The following GSE1 variants were observed in gnomAD, a reference collection of about 807,000 sequenced individuals.
GSE1 encodes genetic suppressor element 1.
GSE1 carries 32 observed loss-of-function variants against 112.6 expected under a neutral mutation model. The ratio of observed to expected loss-of-function variants is 0.28; its 90% CI spans 0.21 to 0.38. The LOEUF (loss-of-function observed/expected upper bound fraction) is 0.38. Ranked by LOEUF, GSE1 falls within the 10% of genes least tolerant of loss-of-function variation. The pLI is 1.00. For missense variants in GSE1, 2,348 were observed against 1,699.2 expected (o/e 1.38, Z -6.71); for synonymous variants, 1,115 against 735.6 (o/e 1.52, Z -8.35).
chr16:85,510,715 G>C (rs997989766), intron 2 of GSE1, among the ~76,000 whole-genome samples: 1 of 152,180 alleles, frequency 6.6e-6, no homozygotes, highest in African/African-American at 2.4e-5. Context: ...GTGAAAGTCA[G>C]AGTTGCCCCT....
Position 85,426,702 on chromosome 16 carries a change from GTGGA to G in GSE1, c.2464+69083_2464+69086del, listed in dbSNP as rs530312817. Among the ~76,000 whole-genome samples, 471 of 148,736 alleles carry G rather than the reference GTGGA, an allele frequency of 3.2e-3. 2 individuals carry two copies. The highest frequency in any genetic ancestry group is 0.011 in the African/African-American group (437 of 40,422). On this transcript the variant is annotated intron_variant, in intron 2 of 2. Coordinates refer to the GSE1 transcript ENST00000637419. The stretch of plus-strand genomic sequence containing the variant: ...GAAGGGAGGATGGGTAGATGGGTGG[GTGGA>G]TGGATGGATGGATGGATGGATGGTA...
At chr16:85,239,324 G>A (rs1904982757) in intron 1 of GSE1, among the ~76,000 whole-genome samples, 1 of 152,210 alleles carries the variant, frequency 6.6e-6, no homozygotes, top group Non-Finnish European at 1.5e-5. Context: ...AGTGCAAGGT[G>A]GCTGCCTCTG....
intron 1 of GSE1, among the ~76,000 whole-genome samples, chr16:85,203,133 T>G (rs1037155410): frequency 6.6e-6 from 1 of 151,682 alleles, no homozygotes; most frequent in African/African-American, 2.4e-5. Flanking sequence ...CCTGTGGGGG[T>G]GCCTGTGCTC....
Position 85,367,908 on chromosome 16 carries a change from G to A in GSE1, c.2464+10265G>A, listed in dbSNP as rs1253859351. Among the ~76,000 whole-genome samples, 4 of 140,442 alleles carry A rather than the reference G, an allele frequency of 2.8e-5. No homozygotes were observed. The East Asian group carries it at 9.2e-4, about 32-fold the overall frequency. The allele number at this position is 140,442 out of a possible 152,430, so 92.1% of individuals were successfully genotyped here. A position where few individuals can be genotyped will look rare whatever the true frequency, so the allele number is the denominator to read the frequency against. ...CTTGTTGCCCAGGCTAGAGTGCAAT[G>A]GCATGATCTCGGCTCACTGCAACCT... On this transcript the variant is annotated intron_variant, in intron 2 of 2. Coordinates refer to the GSE1 transcript ENST00000637419.
intron 1 of GSE1, among the ~76,000 whole-genome samples, chr16:85,591,512 C>T (rs1340598305): frequency 6.6e-6 from 1 of 152,252 alleles, no homozygotes; most frequent in Non-Finnish European, 1.5e-5. Context: ...TTGCTCCTCA[C>T]AGCCTTGCGG....
intron 1 of GSE1, among the ~76,000 whole-genome samples, chr16:85,222,545 T>C (rs1373887372): frequency 1.3e-5 from 2 of 152,206 alleles, no homozygotes; most frequent in East Asian, 1.9e-4. Context: ...AGGAGGCTGA[T>C]AGCTATTTTT....
In GSE1 at chr16:85,672,784, G is replaced by C. The variant is rs2053452190; in HGVS notation, c.*245G>C. On this transcript the variant is annotated 3_prime_UTR_variant, in exon 16 of 16. Coordinates refer to ENST00000253458, the MANE Select transcript of GSE1 (RefSeq NM_014615.5). ...ATTGCCCACAGTTTTTCTTTTTAAA[G>C]GTGGTTTTCGCCCTTCCTCTCCCAC... 2 of 313,964 alleles carry C rather than the reference G, an allele frequency of 6.4e-6. No individual in the cohort carries two copies. Among genetic ancestry groups the C allele is most frequent in the Non-Finnish European group, 5.9e-6 (1 of 170,584 alleles). The allele number at this position is 313,964 out of a possible 1,614,324, so 19.4% of individuals were successfully genotyped here.
chr16:85,237,080 C>T (rs545494975), intron 1 of GSE1, among the ~76,000 whole-genome samples: 164 of 152,324 alleles, frequency 1.1e-3, no homozygotes, highest in Non-Finnish European at 1.8e-3. Flanking sequence ...AATCTCAGCA[C>T]TTTGGGAGGC....
chr16:85,321,447 T>G (rs1469006638), intron 1 of GSE1, among the ~76,000 whole-genome samples: 5 of 152,246 alleles, frequency 3.3e-5, no homozygotes, highest in African/African-American at 1.2e-4. Flanking sequence ...CTGCCAGCAA[T>G]GTACTGAGGC....
Position 85,661,146 on chromosome 16 carries a change from G to A in GSE1, c.1641G>A (p.Arg547=). The A allele has an allele frequency of 3.8e-6, 6 of 1,580,870 alleles. No homozygotes were observed. Among genetic ancestry groups the A allele is most frequent in the African/African-American group, 1.3e-5 (1 of 74,384 alleles). Reference sequence around the variant, plus strand: ...CTGAAGGGTTGGTTTCACTCCCTAGGCCAGGACCAAACCGTCACGAGCCAG... The same window carrying A: ...CTGAAGGGTTGGTTTCACTCCCTAGACCAGGACCAAACCGTCACGAGCCAG... The part of the protein sequence containing the change: ...EAEHRPESTT[R]PGPNRHEPGG... Residue 547 remains arginine, a splice_region_variant and synonymous_variant, in exon 9 of 16, where the codon AGG becomes AGA. Coordinates refer to ENST00000253458, the MANE Select transcript of GSE1 (RefSeq NM_014615.5).
intron 1 of GSE1, among the ~76,000 whole-genome samples, chr16:85,226,158 T>C (rs551459406): frequency 7.2e-5 from 11 of 152,298 alleles, no homozygotes; most frequent in Admixed American, 7.2e-4. Flanking sequence ...ACTGAGAAGG[T>C]AGGCACGTCA....
intron 1 of GSE1, among the ~76,000 whole-genome samples, chr16:85,213,715 G>A (rs2075264620): frequency 6.6e-6 from 1 of 152,208 alleles, no homozygotes; most frequent in Non-Finnish European, 1.5e-5. Context: ...CGCATCAGGG[G>A]TGCCCTTGCA....
At chr16:85,170,890 G>A (rs1211130689) in exon 1 of GSE1, 7 of 985,412 alleles carry the variant, frequency 7.1e-6, no homozygotes, top group Non-Finnish European at 8.4e-6. Context: ...GGACAGCCAC[G>A]CCCCCGGCAT....
intron 1 of GSE1, among the ~76,000 whole-genome samples, chr16:85,264,727 A>C (rs765555411): frequency 6.6e-6 from 1 of 152,250 alleles, no homozygotes; most frequent in Admixed American, 6.5e-5. Context: ...CTGGTGTCCC[A>C]GTGTGTGTAG....
intron 1 of GSE1, among the ~76,000 whole-genome samples, chr16:85,305,860 C>A (rs2045663982): frequency 6.6e-6 from 1 of 152,036 alleles, no homozygotes; most frequent in Non-Finnish European, 1.5e-5. Context: ...GAAGCTAAGG[C>A]AAGAGGATCA....
intron 2 of GSE1, among the ~76,000 whole-genome samples, chr16:85,481,492 T>G (rs2050680099): frequency 6.6e-6 from 1 of 152,180 alleles, no homozygotes; most frequent in African/African-American, 2.4e-5. Context: ...GCCAAGGAAT[T>G]GAAGTTAGTT....
At position 85,665,943 on chromosome 16, in the gene GSE1, T is replaced by A. The variant is rs756511951; in HGVS notation, c.2759-33T>A. On this transcript the variant is annotated intron_variant, in intron 12 of 15. Coordinates refer to ENST00000253458, the MANE Select transcript of GSE1 (RefSeq NM_014615.5). ...GACACTCAGCCTGTTAACTTGCATT[T>A]CTTAATATTTTCCTTCACTTTGTCT... 95 of 1,608,458 alleles carry A rather than the reference T, an allele frequency of 5.9e-5. 1 individual carries two copies. Among genetic ancestry groups the A allele is most frequent in the Non-Finnish European group, 6.5e-5 (77 of 1,176,042 alleles).
chr16:85,246,406 CACACACACACACACACCCCATGCTCTCT>C (rs1905774039), intron 1 of GSE1, among the ~76,000 whole-genome samples: 6 of 5,132 alleles, frequency 1.2e-3, no homozygotes, highest in East Asian at 0.029. Flanking sequence ...ACGCTGTCTA[CACACACACACACACACCCCATGCTCTCT>C]ACACACACAC....
In GSE1 at chr16:85,419,663, C is replaced by T. The variant is rs1403107909; in HGVS notation, c.2464+62020C>T. 1.3e-5 allele frequency among the ~76,000 whole-genome samples: 2 copies of T among 152,122 alleles called. No homozygotes were observed. Among genetic ancestry groups the T allele is most frequent in the Non-Finnish European group, 2.9e-5 (2 of 68,008 alleles). On this transcript the variant is annotated intron_variant, in intron 2 of 2. Transcript: ENST00000637419. The surrounding 1 kb of genome is among the most constrained non-coding windows in gnomAD (Gnocchi z 6.5). ...ATAACATTATGCCAGAACATGCCAG[C>T]CTTTCTCATGCCTCGGGTGCAGTCG...
Sources: allele counts gnomAD v4.1 joint callset (sites outside exome capture counted in the v4.1 genomes callset), GRCh38; gene constraint gnomAD v4.1.1; non-coding constraint Gnocchi (gnomAD v3.1); transcripts MANE v1.5; gene names NCBI Gene and HGNC (gene_info 2026-07-23, HGNC 2026-07-21).